The following LYN variants were observed in gnomAD, a reference collection of about 807,000 sequenced individuals.
LYN encodes the protein LYN proto-oncogene, Src family tyrosine kinase.
In LYN, 12 loss-of-function variants were observed where a neutral mutation model predicts 65.0. The observed-to-expected ratio is 0.18, with a 90% CI of 0.12 to 0.30. The LOEUF is 0.30. Ranked by LOEUF, LYN falls within the 10% of genes least tolerant of loss-of-function variation. The pLI is 1.00. For synonymous variants in LYN, 222 were observed against 221.2 expected, an observed-to-expected ratio of 1.00 and a Z score of -0.03; for missense variants, 380 against 623.2, an observed-to-expected ratio of 0.61 and a Z score of 4.16.
Position 55,951,012 on chromosome 8 carries a change from G to T in LYN, c.487+228G>T, listed in dbSNP as rs190069497. ...AATCCTAACACTTTGGGAGGCTGAGGCGAGAGGATCACTTGAGTCCAGCAG... is the reference window on the plus strand; with the variant it reads ...AATCCTAACACTTTGGGAGGCTGAGTCGAGAGGATCACTTGAGTCCAGCAG... On this transcript the variant is annotated intron_variant, in intron 6 of 12. Coordinates refer to ENST00000519728, the MANE Select transcript of LYN (RefSeq NM_002350.4). Among the ~76,000 whole-genome samples the T allele has an allele frequency of 1.5e-3, 232 of 151,674 alleles. 1 individual carries two copies. The highest frequency in any genetic ancestry group is 4.7e-3 in the African/African-American group (193 of 41,360).
At chr8:55,915,121 C>A (rs957855187) in intron 1 of LYN, among the ~76,000 whole-genome samples, 1 of 152,132 alleles carries the variant, frequency 6.6e-6, no homozygotes, top group Non-Finnish European at 1.5e-5. Context: ...CTATTATCTG[C>A]TCTTTCTTTT....
intron 1 of LYN, among the ~76,000 whole-genome samples, chr8:55,886,077 C>T (rs972151572): frequency 6.6e-6 from 1 of 152,044 alleles, no homozygotes; most frequent in African/African-American, 2.4e-5. Flanking sequence ...TGAAATTCCC[C>T]GTCATGGAAA....
chr8:55,950,714 A>G lies in LYN; in HGVS notation c.417A>G (p.Ala139=). Residue 139 remains alanine (A), a synonymous_variant, in exon 6 of 13, where the codon GCA becomes GCG. Transcript: ENST00000519728. ...TCAAGGATATAACCAGGAAGGACGC[A>G]GAAAGGCAGCTTTTGGCACCAGGAA... ...WFFKDITRKD[A]ERQLLAPGNS... The G allele has an allele frequency of 6.2e-7, 1 of 1,614,146 alleles. No individual in the cohort carries two copies. The highest frequency in any genetic ancestry group is 8.5e-7 in the Non-Finnish European group (1 of 1,179,928).
At chr8:55,968,592 G>A (rs977200758) in intron 9 of LYN, among the ~76,000 whole-genome samples, 3 of 152,164 alleles carry the variant, frequency 2.0e-5, no homozygotes, top group Non-Finnish European at 4.4e-5. Context: ...CTTACTATAT[G>A]CCAGACTGCT....
At position 55,912,125 on chromosome 8, in the gene LYN, C is replaced by T. The variant is rs1585590328; in HGVS notation, c.-5-29730C>T. 2.0e-5 allele frequency among the ~76,000 whole-genome samples: 3 copies of T among 152,236 alleles called. No individual in the cohort carries two copies. In the South Asian group the frequency reaches 6.2e-4, roughly 32 times the overall value. On this transcript the variant is annotated intron_variant, in intron 1 of 12. Coordinates refer to ENST00000519728, the MANE Select transcript of LYN (RefSeq NM_002350.4). Reference sequence around the variant, plus strand: ...ACCTTAGAGATAATCATTTAAACACCAGCTAGACTGCTGCAAGAAAAGAAA... The same window carrying T: ...ACCTTAGAGATAATCATTTAAACACTAGCTAGACTGCTGCAAGAAAAGAAA...
chr8:55,951,603 T>C (rs1806950985), intron 6 of LYN, among the ~76,000 whole-genome samples: 1 of 151,298 alleles, frequency 6.6e-6, no homozygotes, highest in South Asian at 2.1e-4. Flanking sequence ...AGGTGGAGGC[T>C]GCAGTTAGCT....
chr8:55,909,652 T>C (rs1365015706), intron 1 of LYN, among the ~76,000 whole-genome samples: 1 of 152,272 alleles, frequency 6.6e-6, no homozygotes, highest in African/African-American at 2.4e-5. Context: ...TAGTTCCAGT[T>C]TTCATTATTT....
intron 2 of LYN, among the ~76,000 whole-genome samples, chr8:55,946,052 C>G (rs1196616569): frequency 6.6e-6 from 1 of 152,246 alleles, no homozygotes; most frequent in Non-Finnish European, 1.5e-5. Flanking sequence ...CAAAGCCCTG[C>G]ACAACCGATC....
At chr8:55,993,529 C>T (rs72653924) in intron 10 of LYN, among the ~76,000 whole-genome samples, 22,257 of 152,204 alleles carry the variant, frequency 0.15, 2,199 homozygotes, top group Middle Eastern at 0.23. Context: ...AGGTCAGACA[C>T]GCCTGGTGTA....
chr8:55,938,250 A>G (rs867333094), intron 1 of LYN, among the ~76,000 whole-genome samples: 16 of 152,322 alleles, frequency 1.1e-4, no homozygotes, highest in Middle Eastern at 3.4e-3. Flanking sequence ...TTTAGACCAT[A>G]TTGTAAAACT....
chr8:55,966,035 G>C (rs78850242), intron 8 of LYN, among the ~76,000 whole-genome samples: 1 of 152,090 alleles, frequency 6.6e-6, no homozygotes, highest in Non-Finnish European at 1.5e-5. Flanking sequence ...TCAGGCATAA[G>C]AATCGCTTGA....
rs541579825 is a variant in LYN at position 55,915,827 on chromosome 8, A to G, written c.-5-26028A>G. Among the ~76,000 whole-genome samples, 3 of 152,206 alleles carry G rather than the reference A, an allele frequency of 2.0e-5. No individual in the cohort carries two copies. In the East Asian group the frequency reaches 5.8e-4, roughly 29 times the overall value. On this transcript the variant is annotated intron_variant, in intron 1 of 12. Transcript: ENST00000519728. ...AAAGAGAGAGAGAAGAGAGAAAGAGAGCGAGCGAGCGAGAGACATCGAGGA... is the reference window on the plus strand; with the variant it reads ...AAAGAGAGAGAGAAGAGAGAAAGAGGGCGAGCGAGCGAGAGACATCGAGGA...
intron 1 of LYN, among the ~76,000 whole-genome samples, chr8:55,921,366 G>A (rs1407666968): frequency 1.3e-5 from 2 of 152,178 alleles, no homozygotes; most frequent in Admixed American, 6.5e-5. Flanking sequence ...TCCTCAAGGG[G>A]TTTACAGTCT....
At chr8:55,952,325 A>G (rs894873445) in intron 7 of LYN, among the ~76,000 whole-genome samples, 75 of 152,076 alleles carry the variant, frequency 4.9e-4, no homozygotes, top group Admixed American at 4.9e-3. Flanking sequence ...TTGGGAGGCC[A>G]AGGCAGGTGG....
At chr8:55,942,092 T>C (rs1231971699) in intron 2 of LYN, 101 bp downstream of exon 2, 2 of 1,203,282 alleles carry the variant, frequency 1.7e-6, no homozygotes, top group Non-Finnish European at 1.2e-6. Context: ...AAAAATTCCA[T>C]TGATTACTTG....
At chr8:55,969,639 G>C in intron 9 of LYN, 78 bp from the exon 10 acceptor site, 1 of 1,047,470 alleles carries the variant, frequency 9.5e-7, no homozygotes. Context: ...CCCTGTAATA[G>C]TAATGATGAT....
intron 1 of LYN, among the ~76,000 whole-genome samples, chr8:55,882,539 AC>A (rs1804680094): frequency 1.3e-5 from 2 of 152,180 alleles, no homozygotes; most frequent in African/African-American, 4.8e-5. Context: ...TTATAAGCTC[AC>A]TCCTACTGAT....
intron 1 of LYN, among the ~76,000 whole-genome samples, chr8:55,933,070 T>C (rs532471418): frequency 6.6e-6 from 1 of 152,204 alleles, no homozygotes; most frequent in Non-Finnish European, 1.5e-5. Flanking sequence ...TCTTGCAACA[T>C]ACCCATGTAA....
In LYN at chr8:55,904,435, C is replaced by G. The variant is rs75854962; in HGVS notation, c.-6+24332C>G. Reference sequence around the variant, plus strand: ...GTTCTATTTGTCAATCACAGACCACCCTTTTTTCTGAGCATTTTTTCTGTT... The same window carrying G: ...GTTCTATTTGTCAATCACAGACCACGCTTTTTTCTGAGCATTTTTTCTGTT... On this transcript the variant is annotated intron_variant, in intron 1 of 12. Coordinates refer to ENST00000519728, the MANE Select transcript of LYN (RefSeq NM_002350.4). 9.5e-3 allele frequency among the ~76,000 whole-genome samples: 1,440 copies of G among 152,250 alleles called. 6 individuals carry two copies. The highest frequency in any genetic ancestry group is 0.016 in the Non-Finnish European group (1,065 of 68,004).
Sources: allele counts gnomAD v4.1 joint callset (sites outside exome capture counted in the v4.1 genomes callset), GRCh38; gene constraint gnomAD v4.1.1; transcripts MANE v1.5; gene names NCBI Gene and HGNC (gene_info 2026-07-23, HGNC 2026-07-21).